RBFOX1: variants seen among roughly 807,000 people sequenced by gnomAD.
The protein encoded by RBFOX1 is RNA binding fox-1 homolog 1, also known as RNA binding protein fox-1 homolog 1.
Under a neutral mutation model 57.7 loss-of-function variants are expected in RBFOX1, and 8 were observed. That is an observed-to-expected ratio of 0.14 (90% CI 0.08 to 0.25). RBFOX1 has a LOEUF of 0.25. RBFOX1 is among the 10% of genes least tolerant of loss of function. The pLI, the probability that RBFOX1 is intolerant of heterozygous loss-of-function variation, is 1.00. For missense variants in RBFOX1, 611 were observed against 548.5 expected (o/e 1.11, Z -1.14); for synonymous variants, 326 against 222.4 (o/e 1.47, Z -4.15).
chr16:6,827,410 A>T (rs1288375220), intron 3 of RBFOX1, among the ~76,000 whole-genome samples: 1 of 152,096 alleles, frequency 6.6e-6, no homozygotes, highest in Admixed American at 6.5e-5. Context: ...GGAAGTGCTT[A>T]TAGGGAAGGA....
chr16:7,136,649 T>C (rs2072076344), intron 4 of RBFOX1, among the ~76,000 whole-genome samples: 1 of 152,144 alleles, frequency 6.6e-6, no homozygotes, highest in Non-Finnish European at 1.5e-5. Context: ...ACTCCTGGCC[T>C]CAAACAATCC....
intron 2 of RBFOX1, among the ~76,000 whole-genome samples, chr16:6,327,352 A>G (rs1222760521): frequency 6.6e-6 from 1 of 152,088 alleles, no homozygotes; most frequent in Non-Finnish European, 1.5e-5. Flanking sequence ...CACTAATACC[A>G]GAATCACTAG....
Position 6,971,185 on chromosome 16 carries a change from G to A in RBFOX1, c.-15-80872G>A, listed in dbSNP as rs376514062. On this transcript the variant is annotated intron_variant, in intron 3 of 15. Transcript: ENST00000550418. ...AGGAAATTATTGGGAAAAAGTATCC[G>A]CTATACAGAGATTTTAAAATATAGA... 6.4e-4 allele frequency among the ~76,000 whole-genome samples: 97 copies of A among 152,284 alleles called. 1 individual carries two copies. Among genetic ancestry groups the A allele is most frequent in the African/African-American group, 2.0e-3 (82 of 41,556 alleles).
intron 4 of RBFOX1, among the ~76,000 whole-genome samples, chr16:7,402,233 C>T (rs1330140946): frequency 6.6e-6 from 1 of 152,094 alleles, no homozygotes; most frequent in Non-Finnish European, 1.5e-5. Context: ...TGAAGACTCA[C>T]CTGTAAGGGA....
At chr16:7,257,196 A>G (rs992730287) in intron 4 of RBFOX1, among the ~76,000 whole-genome samples, 1 of 152,128 alleles carries the variant, frequency 6.6e-6, no homozygotes, top group African/African-American at 2.4e-5. Flanking sequence ...TTAAGACTTA[A>G]TCGCTAACAT....
At chr16:6,104,481 A>T (rs575041209) in intron 1 of RBFOX1, among the ~76,000 whole-genome samples, 57 of 152,322 alleles carry the variant, frequency 3.7e-4, no homozygotes, top group South Asian at 2.7e-3. Flanking sequence ...TTTACAATTC[A>T]ATTATCTTTA....
intron 3 of RBFOX1, among the ~76,000 whole-genome samples, chr16:6,678,399 C>T (rs181833310): frequency 3.3e-5 from 5 of 152,154 alleles, no homozygotes; most frequent in Non-Finnish European, 4.4e-5. Flanking sequence ...GCTGGGATTA[C>T]AGGCATGAGC....
At chr16:6,100,783 T>G (rs1232887304) in intron 1 of RBFOX1, among the ~76,000 whole-genome samples, 1 of 152,166 alleles carries the variant, frequency 6.6e-6, no homozygotes, top group Non-Finnish European at 1.5e-5. Flanking sequence ...TTTGTCAAAA[T>G]AGCAAAGTTG....
At position 6,869,982 on chromosome 16, in the gene RBFOX1, A is replaced by G. The variant is rs536616705; in HGVS notation, c.-15-182075A>G. On this transcript the variant is annotated intron_variant, in intron 3 of 15. Transcript: ENST00000550418. ...CTTAGGACCTATAAAATAAGGGATC[A>G]AAGGTAACATTTTCTACGTTGATGC... 2.0e-5 allele frequency among the ~76,000 whole-genome samples: 3 copies of G among 152,304 alleles called. No individual in the cohort carries two copies. The South Asian group carries it at 6.2e-4, about 32-fold the overall frequency.
rs565921826 is a variant in RBFOX1, at chr16:7,538,730, G to C, written c.270+20341G>C. Among the ~76,000 whole-genome samples, 111 of 152,314 alleles carry C rather than the reference G, an allele frequency of 7.3e-4. 1 individual carries two copies. The South Asian group carries it at 7.7e-3, about 11-fold the overall frequency. On this transcript the variant is annotated intron_variant, in intron 5 of 15. Transcript: ENST00000550418. ...TCTATGCTTCAGGTATTTGGGTGAAGTTTAGCTGTAGAGATCAGCTTGGTA... is the reference window on the plus strand; with the variant it reads ...TCTATGCTTCAGGTATTTGGGTGAACTTTAGCTGTAGAGATCAGCTTGGTA...
chr16:7,609,112 C>T (rs2056921681), intron 10 of RBFOX1, among the ~76,000 whole-genome samples: 1 of 152,202 alleles, frequency 6.6e-6, no homozygotes, highest in Non-Finnish European at 1.5e-5. Flanking sequence ...CATGTGTCCG[C>T]AGCAGGCACT....
intron 3 of RBFOX1, among the ~76,000 whole-genome samples, chr16:5,763,414 G>T (rs1031615484): frequency 6.6e-6 from 1 of 152,200 alleles, no homozygotes; most frequent in Admixed American, 6.5e-5. Context: ...GCTGGGCTGT[G>T]CAGACAGCCT....
rs774785746 is a variant in RBFOX1, at chr16:5,553,686, T to TAC, written c.259-45212_259-45211dup. ...AGAATGTTCTATATATGTGTGTATA[T>TAC]ACACATATATATGTATATATATGTG... On this transcript the variant is annotated intron_variant, in intron 2 of 2. Transcript: ENST00000585867. Among the ~76,000 whole-genome samples the TAC allele has an allele frequency of 1.8e-3, 109 of 61,718 alleles. 1 individual carries two copies. Among genetic ancestry groups the TAC allele is most frequent in the Middle Eastern group, 8.5e-3 (1 of 118 alleles). The allele number at this position is 61,718 out of a possible 152,430, so 40.5% of individuals were successfully genotyped here. A position where few individuals can be genotyped will look rare whatever the true frequency, so the allele number is the denominator to read the frequency against.
chr16:7,236,504 A>T (rs775535013), intron 4 of RBFOX1, among the ~76,000 whole-genome samples: 28 of 152,220 alleles, frequency 1.8e-4, no homozygotes, highest in African/African-American at 6.7e-4. Context: ...CATCCATCCC[A>T]TTGCCATTAG....
intron 4 of RBFOX1, among the ~76,000 whole-genome samples, chr16:7,087,049 G>C (rs923704482): frequency 6.6e-6 from 1 of 152,184 alleles, no homozygotes; most frequent in African/African-American, 2.4e-5. Context: ...GGCGTCGGTA[G>C]ATGGCTGTAG....
At position 5,305,601 on chromosome 16, in the gene RBFOX1, G is replaced by A. The variant is rs188823421; in HGVS notation, c.219+65496G>A. On this transcript the variant is annotated intron_variant, in intron 1 of 2. Transcript: ENST00000585867. ...TTCTCCATATTTCTTGCCCTTGCAA[G>A]AGATGTCTTGTGAAATTCTTTTCTT... 4.9e-4 allele frequency among the ~76,000 whole-genome samples: 75 copies of A among 152,268 alleles called. 1 individual carries two copies. In the East Asian group the frequency reaches 8.7e-3, roughly 18 times the overall value.
chr16:6,222,244 G>T (rs1268976389), intron 1 of RBFOX1, among the ~76,000 whole-genome samples: 2 of 152,112 alleles, frequency 1.3e-5, no homozygotes, highest in Admixed American at 1.3e-4. Context: ...TTCAGGTGTG[G>T]CAAATACTGT....
chr16:6,028,035 C>A (rs1245771428), intron 1 of RBFOX1, among the ~76,000 whole-genome samples: 1 of 152,158 alleles, frequency 6.6e-6, no homozygotes, highest in Non-Finnish European at 1.5e-5. Context: ...GCAACAGTAG[C>A]CCTGGCTAGA....
chr16:6,987,200 T>G (rs2090480624), intron 3 of RBFOX1, among the ~76,000 whole-genome samples: 1 of 152,104 alleles, frequency 6.6e-6, no homozygotes, highest in African/African-American at 2.4e-5. Context: ...AAGTCTTGAT[T>G]ACCCATAATA....
Sources: gnomAD v4.1 joint callset for allele counts (sites outside exome capture counted in the v4.1 genomes callset) on GRCh38, gnomAD v4.1.1 for gene constraint, MANE v1.5 for transcripts, NCBI Gene and HGNC (gene_info 2026-07-23, HGNC 2026-07-21) for gene names.